C12orf54: variants seen among roughly 807,000 people sequenced by gnomAD.
C12orf54 encodes the protein uncharacterized protein C12orf54.
In C12orf54, 24 loss-of-function variants were observed where a neutral mutation model predicts 26.4. The ratio of observed to expected loss-of-function variants is 0.91; its 90% CI spans 0.66 to 1.28. The LOEUF is 1.28. C12orf54 is among the 50% of genes most tolerant of loss of function. The pLI is 0.00. For synonymous variants in C12orf54, 54 were observed against 47.0 expected, an observed-to-expected ratio of 1.15 and a Z score of -0.61; for missense variants, 154 against 150.9, an observed-to-expected ratio of 1.02 and a Z score of -0.11.
chr12:48,487,243 A>G (rs1394007670), intron 4 of C12orf54, among the ~76,000 whole-genome samples: 2 of 152,162 alleles, frequency 1.3e-5, no homozygotes, highest in African/African-American at 4.8e-5. Context: ...TCCCAATCTT[A>G]CCATATTAGT....
At chr12:48,426,388 G>A in the C12orf54 span, among the ~76,000 whole-genome samples, 25 of 152,216 alleles carry the variant, frequency 1.6e-4, no homozygotes, top group East Asian at 5.8e-4. Flanking sequence ...AGATCAGACA[G>A]TTGTAGGTTT....
chr12:48,449,448 A>G, the C12orf54 span, among the ~76,000 whole-genome samples: 2 of 152,214 alleles, frequency 1.3e-5, no homozygotes, highest in Admixed American at 1.3e-4. Context: ...ATATTGGGTT[A>G]AATAAAACCC....
intron 8 of C12orf54, 30 bp downstream of exon 8, chr12:48,495,009 G>A (rs929573414): frequency 5.9e-6 from 9 of 1,513,460 alleles, no homozygotes; most frequent in Non-Finnish European, 6.4e-6. Context: ...TTTCCCCTGA[G>A]CTCCACCCTG....
At chr12:48,466,134 A>G in the C12orf54 span, among the ~76,000 whole-genome samples, 1 of 152,228 alleles carries the variant, frequency 6.6e-6, no homozygotes, top group East Asian at 1.9e-4. Flanking sequence ...ATTCACATAT[A>G]TGATTAAGGA....
chr12:48,417,563 T>C, the C12orf54 span, among the ~76,000 whole-genome samples: 1 of 152,198 alleles, frequency 6.6e-6, no homozygotes, highest in Non-Finnish European at 1.5e-5. Flanking sequence ...CATTAGGTCT[T>C]TCAAAAAATT....
the C12orf54 span, among the ~76,000 whole-genome samples, chr12:48,419,495 A>G: frequency 4.5e-3 from 687 of 152,292 alleles, 1 homozygote; most frequent in Middle Eastern, 0.01. Context: ...TAATCTTTCA[A>G]TGTTCCCAAG....
the C12orf54 span, chr12:48,472,618 G>C: frequency 1.2e-6 from 2 of 1,608,328 alleles, no homozygotes; most frequent in Non-Finnish European, 8.5e-7. Context: ...GGGGTTTATT[G>C]GTTGAATTCC....
At chr12:48,444,364 A>T in the C12orf54 span, among the ~76,000 whole-genome samples, 1 of 152,230 alleles carries the variant, frequency 6.6e-6, no homozygotes, top group Admixed American at 6.5e-5. Flanking sequence ...ACTCATTATA[A>T]TTTGGAGGGC....
the C12orf54 span, among the ~76,000 whole-genome samples, chr12:48,467,920 G>A: frequency 1.1e-4 from 16 of 152,106 alleles, no homozygotes; most frequent in African/African-American, 3.6e-4. Context: ...CTCCTCTGTA[G>A]GATGCCCTTG....
intron 3 of C12orf54, chr12:48,486,483 T>G: frequency 1.6e-6 from 1 of 636,874 alleles, no homozygotes. Flanking sequence ...ATGCACCAGC[T>G]AGATCCAGAG....
chr12:48,454,074 C>G, the C12orf54 span, among the ~76,000 whole-genome samples: 1 of 147,692 alleles, frequency 6.8e-6, no homozygotes, highest in Admixed American at 6.9e-5. Context: ...ACAGTTCTCT[C>G]TCTCTCTCTC....
intron 4 of C12orf54, among the ~76,000 whole-genome samples, 169 bp from the exon 5 acceptor site, chr12:48,488,755 A>G (rs1168213929): frequency 3.3e-5 from 5 of 152,202 alleles, no homozygotes; most frequent in Non-Finnish European, 1.5e-5. Context: ...TGTAGAGTGG[A>G]AGTCAATGAG....
chr12:48,480,293 T>C (rs777120699), upstream of C12orf54, among the ~76,000 whole-genome samples: 1 of 152,250 alleles, frequency 6.6e-6, no homozygotes, highest in Non-Finnish European at 1.5e-5. Context: ...CTTTGTCCAA[T>C]TTTTAATTGA....
chr12:48,461,064 A>T, the C12orf54 span, among the ~76,000 whole-genome samples: 1 of 152,046 alleles, frequency 6.6e-6, no homozygotes. Flanking sequence ...ATCAAAAGAA[A>T]AGTGATGGAA....
At chr12:48,487,763 A>G in intron 4 of C12orf54, 1 of 365,084 alleles carries the variant, frequency 2.7e-6, no homozygotes, top group South Asian at 6.7e-5. Flanking sequence ...CTAAATATCT[A>G]CATACACTAT....
At chr12:48,455,770 A>G in the C12orf54 span, among the ~76,000 whole-genome samples, 1 of 152,214 alleles carries the variant, frequency 6.6e-6, no homozygotes, top group African/African-American at 2.4e-5. Context: ...AAATGTATCC[A>G]TGAGGTAAGA....
chr12:48,460,193 C>T, the C12orf54 span, among the ~76,000 whole-genome samples: 1 of 146,526 alleles, frequency 6.8e-6, no homozygotes, highest in Non-Finnish European at 1.5e-5. Context: ...TTCTTTCCTG[C>T]CCAGGGAGTT....
chr12:48,482,746 G>A (rs145899395), intron 1 of C12orf54, among the ~76,000 whole-genome samples, 170 bp downstream of exon 1: 1 of 151,970 alleles, frequency 6.6e-6, no homozygotes, highest in African/African-American at 2.4e-5. Context: ...TGGAGCTGAT[G>A]GCCCTCCATC....
chr12:48,447,781 T>G, the C12orf54 span, among the ~76,000 whole-genome samples: 1 of 152,176 alleles, frequency 6.6e-6, no homozygotes, highest in Admixed American at 6.5e-5. Flanking sequence ...TTATAGACCT[T>G]AAAATAGGGA....
Sources: gnomAD v4.1 joint callset for allele counts (sites outside exome capture counted in the v4.1 genomes callset) on GRCh38, gnomAD v4.1.1 for gene constraint, MANE v1.5 for transcripts, NCBI Gene and HGNC (gene_info 2026-07-23, HGNC 2026-07-21) for gene names.